CDS2: variants seen among roughly 807,000 people sequenced by gnomAD.
CDS2 encodes phosphatidate cytidylyltransferase 2.
CDS2 carries 47 observed loss-of-function variants against 59.0 expected under a neutral mutation model. That is an observed-to-expected ratio of 0.80 (90% CI 0.63 to 1.02). The LOEUF (loss-of-function observed/expected upper bound fraction) is 1.02. CDS2 is among the 50% of genes least tolerant of loss of function. CDS2 has a pLI of 0.00. For missense variants in CDS2, 356 were observed against 558.9 expected (o/e 0.64, Z 3.66); for synonymous variants, 207 against 206.4 (o/e 1.00, Z -0.02).
chr20:5,177,005 C>T (rs1041773709), intron 4 of CDS2, among the ~76,000 whole-genome samples: 1 of 152,144 alleles, frequency 6.6e-6, no homozygotes, highest in Admixed American at 6.5e-5. Context: ...TTGCCACAGA[C>T]TCGCACAGTG....
At chr20:5,186,620 G>A (rs2091069808) in intron 9 of CDS2, 67 bp from the exon 10 acceptor site, 7 of 1,567,540 alleles carry the variant, frequency 4.5e-6, no homozygotes, top group Non-Finnish European at 6.1e-6. Context: ...GCCAAACCAG[G>A]TGCCTGTGTC....
Position 5,127,012 on chromosome 20 carries a change from G to C in CDS2, c.-81G>C. On this transcript the variant is annotated 5_prime_UTR_variant, in exon 1 of 13. Transcript: ENST00000460006. ...GGGCGGGGCGGGGCCGGCCGTGGGA[G>C]TCCGCGCGTGCCCGCGCCGAGCTGC... 7.4e-7 allele frequency: 1 copy of C among 1,348,918 alleles called. No homozygotes were observed. Among genetic ancestry groups the C allele is most frequent in the Non-Finnish European group, 9.8e-7 (1 of 1,015,564 alleles). The allele number at this position is 1,348,918 out of a possible 1,614,324, so 83.6% of individuals were successfully genotyped here.
intron 1 of CDS2, among the ~76,000 whole-genome samples, chr20:5,131,421 T>A (rs1249443547): frequency 6.6e-6 from 1 of 152,182 alleles, no homozygotes; most frequent in Non-Finnish European, 1.5e-5. Flanking sequence ...CCCAACCATA[T>A]TTTTCTGATG....
chr20:5,130,644 G>T (rs183566942), intron 1 of CDS2, among the ~76,000 whole-genome samples: 2 of 152,068 alleles, frequency 1.3e-5, no homozygotes, highest in African/African-American at 4.8e-5. Flanking sequence ...TTAGCCGGGC[G>T]TGGTGGTGCA....
intron 1 of CDS2, among the ~76,000 whole-genome samples, chr20:5,167,283 G>C (rs2090920064): frequency 6.6e-6 from 1 of 152,210 alleles, no homozygotes; most frequent in African/African-American, 2.4e-5. Flanking sequence ...GATGCCGGAA[G>C]TGAAGCTGTC....
rs2090810965 is a variant in CDS2 at position 5,153,750 on chromosome 20, C to T, written c.58-19773C>T. Among the ~76,000 whole-genome samples the T allele has an allele frequency of 2.0e-5, 3 of 152,164 alleles. No homozygotes were observed. In the South Asian group the frequency reaches 6.2e-4, roughly 31 times the overall value. ...GTTTTATGTCTTGTTTATCACTCTC[C>T]CTTAATGTGTTTACAAGATTGATAT... is the stretch of plus-strand genomic sequence containing the variant. On this transcript the variant is annotated intron_variant, in intron 1 of 12. Coordinates refer to ENST00000460006, the MANE Select transcript of CDS2 (RefSeq NM_003818.4).
At chr20:5,150,950 C>T (rs2090784296) in intron 1 of CDS2, among the ~76,000 whole-genome samples, 1 of 152,182 alleles carries the variant, frequency 6.6e-6, no homozygotes. Flanking sequence ...AGATCACATG[C>T]GGAGCCACCT....
intron 1 of CDS2, among the ~76,000 whole-genome samples, chr20:5,143,369 C>T (rs2090711252): frequency 6.6e-6 from 1 of 152,172 alleles, no homozygotes; most frequent in Admixed American, 6.5e-5. Context: ...TTCTGGAAAA[C>T]TGCTTGACAA....
At chr20:5,172,272 T>A (rs75078851) in intron 1 of CDS2, among the ~76,000 whole-genome samples, 1,774 of 152,244 alleles carry the variant, frequency 0.012, 32 homozygotes, top group African/African-American at 0.039. Flanking sequence ...AGGGAGAAGG[T>A]TCTAGTGTTA....
In CDS2 at chr20:5,156,148, G is replaced by C. The variant is rs183926406; in HGVS notation, c.58-17375G>C. Among the ~76,000 whole-genome samples, 3 of 152,314 alleles carry C rather than the reference G, an allele frequency of 2.0e-5. No individual in the cohort carries two copies. In the East Asian group the frequency reaches 5.8e-4, roughly 29 times the overall value. Reference sequence around the variant, plus strand: ...TGCCAATTAGGAGGCCAGCTTAGTAGTGAAGGGTTGATCTGCAGGCTTCAG... The same window carrying C: ...TGCCAATTAGGAGGCCAGCTTAGTACTGAAGGGTTGATCTGCAGGCTTCAG... On this transcript the variant is annotated intron_variant, in intron 1 of 12. Coordinates refer to ENST00000460006, the MANE Select transcript of CDS2 (RefSeq NM_003818.4).
Position 5,196,046 on chromosome 20 carries a change from A to G in CDS2, c.*5812A>G, listed in dbSNP as rs1430110841. 1 of 152,210 alleles carries G rather than the reference A, an allele frequency of 6.6e-6. No homozygotes were observed. Among genetic ancestry groups the G allele is most frequent in the Non-Finnish European group, 1.5e-5 (1 of 68,038 alleles). The allele number at this position is 152,210 out of a possible 1,614,324, so 9.4% of individuals were successfully genotyped here. ...TCCATGAAATTCCTAGGTCAGTTGA[A>G]TAATAACTGAACTACTGGTTTGACT... On this transcript the variant is annotated 3_prime_UTR_variant, in exon 13 of 13. Coordinates refer to ENST00000460006, the MANE Select transcript of CDS2 (RefSeq NM_003818.4).
At chr20:5,137,091 A>C (rs2090655096) in intron 1 of CDS2, among the ~76,000 whole-genome samples, 2 of 151,984 alleles carry the variant, frequency 1.3e-5, no homozygotes, top group South Asian at 4.1e-4. Flanking sequence ...AGCTGCATCC[A>C]TGTTGCCACA....
chr20:5,181,748 T>C (rs1260677039), intron 5 of CDS2, among the ~76,000 whole-genome samples: 1 of 152,240 alleles, frequency 6.6e-6, no homozygotes, highest in Non-Finnish European at 1.5e-5. Flanking sequence ...ATGTGTAGTC[T>C]ATTTCTCTTA....
intron 1 of CDS2, among the ~76,000 whole-genome samples, chr20:5,168,046 C>T (rs1224491288): frequency 6.6e-6 from 1 of 152,134 alleles, no homozygotes; most frequent in East Asian, 1.9e-4. Flanking sequence ...TTTAGTTCCT[C>T]TTAGGCAAAT....
intron 1 of CDS2, among the ~76,000 whole-genome samples, chr20:5,165,367 C>T (rs1188541050): frequency 6.6e-6 from 1 of 152,192 alleles, no homozygotes; most frequent in African/African-American, 2.4e-5. Context: ...AGCCCAGCTA[C>T]ACCTGCCACT....
chr20:5,183,228 C>A (rs556547902), intron 7 of CDS2, 85 bp downstream of exon 7: 3 of 1,085,306 alleles, frequency 2.8e-6, no homozygotes, highest in East Asian at 2.5e-5. Flanking sequence ...GTGGCCCTCA[C>A]CTTGAGCCAC....
At chr20:5,147,525 C>T (rs1242106615) in intron 1 of CDS2, among the ~76,000 whole-genome samples, 5 of 152,098 alleles carry the variant, frequency 3.3e-5, no homozygotes, top group African/African-American at 9.7e-5. Flanking sequence ...GATTAATCTG[C>T]AGAAAACTCC....
At position 5,197,085 on chromosome 20, in the gene CDS2, G is replaced by A. The variant is rs1021448212; in HGVS notation, c.*6851G>A. 6.6e-6 allele frequency: 1 copy of A among 152,166 alleles called. No individual in the cohort carries two copies. The highest frequency in any genetic ancestry group is 1.5e-5 in the Non-Finnish European group (1 of 68,016). The allele number at this position is 152,166 out of a possible 1,614,324, so 9.4% of individuals were successfully genotyped here. A position where few individuals can be genotyped will look rare whatever the true frequency, so the allele number is the denominator to read the frequency against. On this transcript the variant is annotated 3_prime_UTR_variant, in exon 13 of 13. Transcript: ENST00000460006. ...CCAGAAATCTGGGCTCAGAGAACCC[G>A]TCCAGGGAGATTTGAAGCCATGGGT...
chr20:5,172,077 G>A (rs945698920), intron 1 of CDS2, among the ~76,000 whole-genome samples: 11 of 152,236 alleles, frequency 7.2e-5, no homozygotes, highest in African/African-American at 2.7e-4. Context: ...CTCCCTGAGG[G>A]CAGGGGCTGG....
Sources: gnomAD v4.1 joint callset for allele counts (sites outside exome capture counted in the v4.1 genomes callset) on GRCh38, gnomAD v4.1.1 for gene constraint, MANE v1.5 for transcripts, NCBI Gene and HGNC (gene_info 2026-07-23, HGNC 2026-07-21) for gene names.